OR4F15: variants seen among roughly 807,000 people sequenced by gnomAD.
The protein encoded by OR4F15 is olfactory receptor family 4 subfamily F member 15, also known as olfactory receptor 4F15.
Under a neutral mutation model 11.9 loss-of-function variants are expected in OR4F15, and 7 were observed. The observed-to-expected ratio is 0.59, with a 90% CI of 0.33 to 1.10. OR4F15 has a LOEUF of 1.10. Ranked by LOEUF, OR4F15 falls within the 50% of genes least tolerant of loss-of-function variation. The pLI is 0.03. For missense variants in OR4F15, 445 were observed against 377.5 expected (o/e 1.18, Z -1.48); for synonymous variants, 151 against 134.6 (o/e 1.12, Z -0.84).
At position 101,818,219 on chromosome 15, in the gene OR4F15, A is replaced by C. The variant is rs749636402; in HGVS notation, c.33A>C (p.Glu11Asp). 6.2e-7 allele frequency: 1 copy of C among 1,613,112 alleles called. No individual in the cohort carries two copies. Among genetic ancestry groups the C allele is most frequent in the East Asian group, 2.2e-5 (1 of 44,874 alleles). MNGMNHSVVS[E>D]FVFMGLTNSR... ...GAATGAATCACTCTGTGGTATCAGA[A>C]TTTGTATTCATGGGACTCACCAACT... is the stretch of plus-strand genomic sequence containing the variant. Residue 11 changes from glutamate to aspartate, a missense_variant, in exon 2 of 2, where the codon GAA (glutamate) becomes GAC (aspartate). Coordinates refer to ENST00000332238, the MANE Select transcript of OR4F15 (RefSeq NM_001001674.2).
rs149793188 is a variant in OR4F15 at position 101,818,936 on chromosome 15, C to T, written c.750C>T (p.Phe250=). Residue 250 remains phenylalanine (F), a synonymous_variant, in exon 2 of 2, where the codon TTC becomes TTT. Transcript: ENST00000332238. The part of the protein sequence containing the change: ...LSAHVTVVIL[F]FGPLMFFYTW... ...CTCATGTCACTGTGGTCATCTTGTT[C>T]TTTGGGCCACTGATGTTTTTCTACA... is the stretch of plus-strand genomic sequence containing the variant. The T allele has an allele frequency of 6.8e-6, 11 of 1,613,978 alleles. No individual in the cohort carries two copies. Among genetic ancestry groups the T allele is most frequent in the East Asian group, 2.2e-5 (1 of 44,888 alleles).
rs1237771490 is a variant in OR4F15 at position 101,818,997 on chromosome 15, C to G, written c.811C>G (p.Leu271Val). Residue 271 changes from leucine (L) to valine (V), a missense_variant, in exon 2 of 2, where the codon CTT becomes GTT. Transcript: ENST00000332238. ...TCCCACATCACACCTGGATAAATAT[C>G]TTGCTATTTTTGATGCATTTATTAC... is the stretch of plus-strand genomic sequence containing the variant. Reference protein sequence around the residue: ...PSPTSHLDKYLAIFDAFITPF... With the variant: ...PSPTSHLDKYVAIFDAFITPF... 6 of 1,614,112 alleles carry G rather than the reference C, an allele frequency of 3.7e-6. No individual in the cohort carries two copies. Among genetic ancestry groups the G allele is most frequent in the Non-Finnish European group, 5.1e-6 (6 of 1,179,976 alleles).
chr15:101,818,812 G>A lies in OR4F15; in HGVS notation c.626G>A (p.Gly209Asp), dbSNP rs773652144. 2 of 1,614,042 alleles carry A rather than the reference G, an allele frequency of 1.2e-6. No individual in the cohort carries two copies. The highest frequency in any genetic ancestry group is 1.7e-6 in the Non-Finnish European group (2 of 1,180,028). ...VTVNSGLISV[G>D]SFVLLVISYI... Reference sequence around the variant, plus strand: ...GTCAATAGTGGACTCATTTCTGTGGGCTCCTTTGTCTTGCTGGTAATTTCC... The same window carrying A: ...GTCAATAGTGGACTCATTTCTGTGGACTCCTTTGTCTTGCTGGTAATTTCC... Residue 209 changes from glycine (G) to aspartate (D), a missense_variant, in exon 2 of 2, where the codon GGC (glycine) becomes GAC (aspartate). Transcript: ENST00000332238.
chr15:101,818,727 C>T lies in OR4F15; in HGVS notation c.541C>T (p.Leu181Phe). The change falls in exon 2 of 2, where the codon CTC becomes TTC. Residue 181 changes from leucine to phenylalanine, a missense_variant. Transcript: ENST00000332238. ...PNIFDSFYCD[L>F]PRLLRLACTN... ...TATCTTTGACAGTTTTTACTGTGAT[C>T]TCCCTCGGCTCCTCAGACTTGCCTG... The T allele has an allele frequency of 6.2e-7, 1 of 1,614,136 alleles. No individual in the cohort carries two copies. The highest frequency in any genetic ancestry group is 8.5e-7 in the Non-Finnish European group (1 of 1,180,012).
At chr15:101,817,718 G>A (rs1003082453) in intron 1 of OR4F15, among the ~76,000 whole-genome samples, 1 of 152,130 alleles carries the variant, frequency 6.6e-6, no homozygotes, top group Non-Finnish European at 1.5e-5. Context: ...GTCTAATCAA[G>A]CAATATAAAT....
At position 101,818,173 on chromosome 15, in the gene OR4F15, T is replaced by G. The variant is rs760714463; in HGVS notation, c.-14T>G. On this transcript the variant is annotated 5_prime_UTR_variant, in exon 2 of 2. Transcript: ENST00000332238. The stretch of plus-strand genomic sequence containing the variant: ...AGGTAAGTAACATGAAAACTGATCT[T>G]GGAGTCTGAGGCAATGAATGGAATG... The G allele has an allele frequency of 4.5e-6, 7 of 1,543,648 alleles. No homozygotes were observed. The highest frequency in any genetic ancestry group is 8.9e-7 in the Non-Finnish European group (1 of 1,126,156).
chr15:101,814,383 G>A lies in OR4F15; in HGVS notation c.-38+2111G>A, dbSNP rs139689432. On this transcript the variant is annotated intron_variant, in intron 1 of 1. Transcript: ENST00000332238. ...AGAGTCTCATGTCTTGCATGCATGC[G>A]ATCTCCACTAAGGAAAGCCAGCTGT... Among the ~76,000 whole-genome samples the A allele has an allele frequency of 2.0e-3, 306 of 152,126 alleles. 1 individual carries two copies. Among genetic ancestry groups the A allele is most frequent in the African/African-American group, 6.8e-3 (283 of 41,486 alleles).
Position 101,818,373 on chromosome 15 carries a change from C to G in OR4F15, c.187C>G (p.Leu63Val). 1 of 1,614,162 alleles carries G rather than the reference C, an allele frequency of 6.2e-7. No homozygotes were observed. Among genetic ancestry groups the G allele is most frequent in the Non-Finnish European group, 8.5e-7 (1 of 1,179,990 alleles). ...AHLHSPMYFL[L>V]ANLSIIDMAF... is the part of the protein sequence containing the mutation. ...TCTGCACTCCCCCATGTATTTCCTC[C>G]TGGCTAACCTCTCAATCATTGATAT... The change falls in exon 2 of 2, where the codon CTG becomes GTG. Residue 63 changes from leucine (L) to valine (V), a missense_variant. Transcript: ENST00000332238.
Position 101,818,337 on chromosome 15 carries a change from A to T in OR4F15, c.151A>T (p.Met51Leu), listed in dbSNP as rs370801231. Residue 51 changes from methionine (M) to leucine (L), a missense_variant, in exon 2 of 2, where the codon ATG becomes TTG. Physicochemically the swap from Met to Leu is conservative, Grantham distance 15 (BLOSUM62 2). Transcript: ENST00000332238. ...CCTTGTCATTGTATTCACTGTAACC[A>T]TGGATGCTCATCTGCACTCCCCCAT... The part of the protein sequence containing the change: ...GNLVIVFTVT[M>L]DAHLHSPMYF... 1 of 1,614,120 alleles carries T rather than the reference A, an allele frequency of 6.2e-7. No homozygotes were observed. Among genetic ancestry groups the T allele is most frequent in the Admixed American group, 1.7e-5 (1 of 60,024 alleles).
intron 1 of OR4F15, among the ~76,000 whole-genome samples, chr15:101,817,719 C>G (rs975783838): frequency 6.6e-6 from 1 of 152,058 alleles, no homozygotes; most frequent in African/African-American, 2.4e-5. Flanking sequence ...TCTAATCAAG[C>G]AATATAAATA....
chr15:101,814,085 CAA>C (rs1466003925), intron 1 of OR4F15, among the ~76,000 whole-genome samples: 1 of 152,204 alleles, frequency 6.6e-6, no homozygotes, highest in African/African-American at 2.4e-5. Flanking sequence ...AATGTGAAGA[CAA>C]GAGGACAAAA....
chr15:101,818,124 C>A, intron 1 of OR4F15, 26 bp from the exon 2 acceptor site: 1 of 1,075,642 alleles, frequency 9.3e-7, no homozygotes, highest in Non-Finnish European at 1.4e-6. Context: ...CTAGGTAATT[C>A]TTTCTCATTT....
At chr15:101,813,407 G>T (rs973776034) in intron 1 of OR4F15, among the ~76,000 whole-genome samples, 1 of 151,782 alleles carries the variant, frequency 6.6e-6, no homozygotes, top group Non-Finnish European at 1.5e-5. Flanking sequence ...TACTCGGGAG[G>T]CTGAGGCTAC....
chr15:101,812,805 A>G (rs1039197921), intron 1 of OR4F15, among the ~76,000 whole-genome samples: 5 of 152,232 alleles, frequency 3.3e-5, no homozygotes, highest in African/African-American at 1.2e-4. Flanking sequence ...AGTTGATTGA[A>G]GAATGGAGGA....
intron 1 of OR4F15, among the ~76,000 whole-genome samples, chr15:101,817,051 ATTAT>A (rs893014403): frequency 6.6e-6 from 1 of 152,102 alleles, no homozygotes; most frequent in African/African-American, 2.4e-5. Context: ...ATTAGAGGAG[ATTAT>A]TTGTTTCAGC....
rs1359004278 is a variant in OR4F15, at chr15:101,819,820, G to C, written c.*695G>C. ...TGAGCCACCGCGCCTGGCCTGTTTA[G>C]TATCTAGCTCTCTTGATTTTAATTC... On this transcript the variant is annotated 3_prime_UTR_variant, in exon 2 of 2. Coordinates refer to ENST00000332238, the MANE Select transcript of OR4F15 (RefSeq NM_001001674.2). The C allele has an allele frequency of 6.6e-6, 1 of 152,248 alleles. No individual in the cohort carries two copies. The highest frequency in any genetic ancestry group is 1.5e-5 in the Non-Finnish European group (1 of 68,120). The allele number at this position is 152,248 out of a possible 1,614,324, so 9.4% of individuals were successfully genotyped here. A position where few individuals can be genotyped will look rare whatever the true frequency, so the allele number is the denominator to read the frequency against.
At chr15:101,813,839 G>A (rs1902945296) in intron 1 of OR4F15, among the ~76,000 whole-genome samples, 1 of 152,100 alleles carries the variant, frequency 6.6e-6, no homozygotes, top group South Asian at 2.1e-4. Context: ...TATCACAATT[G>A]TTTAGTGTAA....
chr15:101,812,887 T>C (rs1387694805), intron 1 of OR4F15, among the ~76,000 whole-genome samples: 1 of 152,216 alleles, frequency 6.6e-6, no homozygotes, highest in Non-Finnish European at 1.5e-5. Flanking sequence ...GTTCATGTTT[T>C]CAAAACATTT....
intron 1 of OR4F15, among the ~76,000 whole-genome samples, chr15:101,813,473 C>T (rs1014896173): frequency 7.4e-6 from 1 of 135,076 alleles, no homozygotes; most frequent in Admixed American, 7.9e-5. Flanking sequence ...TGTGCCATGG[C>T]AATCCAGCCT....
Sources: gnomAD v4.1 joint callset for allele counts (sites outside exome capture counted in the v4.1 genomes callset) on GRCh38, gnomAD v4.1.1 for gene constraint, MANE v1.5 for transcripts, NCBI Gene and HGNC (gene_info 2026-07-23, HGNC 2026-07-21) for gene names.